Variants in EVC2 observed in about 807,000 individuals in gnomAD.
EVC2 encodes EvC ciliary complex subunit 2, also known as limbin.
Under a neutral mutation model 149.3 loss-of-function variants are expected in EVC2, and 148 were observed. The observed-to-expected ratio is 0.99, with a 90% CI of 0.87 to 1.14. The LOEUF is 1.14. Among genes scored for constraint, EVC2 ranks in the 50% most tolerant of loss-of-function variants. The probability of loss-of-function intolerance (pLI) is 0.00; values close to 1 mark genes in which losing one functional copy is unlikely to be tolerated. For synonymous variants in EVC2, 776 were observed against 649.9 expected (o/e 1.19, Z -2.95); for missense variants, 1,854 against 1,627.3 (o/e 1.14, Z -2.40).
rs774976776 is a variant in EVC2 at position 5,640,638 on chromosome 4, C to T, written c.1346G>A (p.Arg449Gln). ...LENEIQEEYD[R>Q]KMVALTAECD... ...TTCAGCTGTCAATGCCACCATCTTC[C>T]GATCGTACTCCTCTTGTATTTCATT... Residue 449 changes from arginine to glutamine, a missense_variant, in exon 10 of 22, where the codon CGG (arginine) becomes CAG (glutamine). Coordinates refer to ENST00000344408, the MANE Select transcript of EVC2 (RefSeq NM_147127.5). The surrounding 1 kb of genome is among the most constrained non-coding windows in gnomAD (Gnocchi z 4.6). 1.1e-4 allele frequency: 182 copies of T among 1,613,964 alleles called. No homozygotes were observed. Among genetic ancestry groups the T allele is most frequent in the Non-Finnish European group, 1.5e-4 (174 of 1,180,036 alleles).
At chr4:5,538,987 A>G (rs1380482525), downstream of EVC2, among the ~76,000 whole-genome samples, 1 of 152,170 alleles carries the variant, frequency 6.6e-6, no homozygotes, top group South Asian at 2.1e-4. Context: ...AAGCATTCAG[A>G]TTGGAAAGGA....
downstream of EVC2, among the ~76,000 whole-genome samples, chr4:5,538,780 A>T (rs1446194624): frequency 6.6e-6 from 1 of 152,178 alleles, no homozygotes; most frequent in Non-Finnish European, 1.5e-5. Flanking sequence ...TCCATTTCTG[A>T]TTAAAATCAT....
intron 3 of EVC2, among the ~76,000 whole-genome samples, chr4:5,692,626 G>C (rs1179858252): frequency 6.6e-6 from 1 of 151,834 alleles, no homozygotes. Context: ...CCAGCACTTT[G>C]GGAGGCCGAG....
chr4:5,566,187 A>G (rs1469762243), intron 20 of EVC2, among the ~76,000 whole-genome samples: 1 of 152,240 alleles, frequency 6.6e-6, no homozygotes, highest in African/African-American at 2.4e-5. Flanking sequence ...GCGTGGTCCT[A>G]GACTGAAGGA....
chr4:5,531,855 C>T, the EVC2 span, among the ~76,000 whole-genome samples: 1 of 152,072 alleles, frequency 6.6e-6, no homozygotes, highest in African/African-American at 2.4e-5. Flanking sequence ...TGAAACCACG[C>T]TCCTGCCAGT....
At chr4:5,617,695 G>C (rs1240223883) in intron 15 of EVC2, among the ~76,000 whole-genome samples, 4 of 152,206 alleles carry the variant, frequency 2.6e-5, no homozygotes. Flanking sequence ...GGTGGCATTT[G>C]AGCTGAGACC....
At chr4:5,570,575 A>G (rs997862988) in intron 19 of EVC2, among the ~76,000 whole-genome samples, 2 of 152,254 alleles carry the variant, frequency 1.3e-5, no homozygotes, top group Non-Finnish European at 2.9e-5. Context: ...ACCACTATGG[A>G]AAACAGTATG....
intron 16 of EVC2, among the ~76,000 whole-genome samples, chr4:5,608,899 C>G (rs977868213): frequency 3.9e-5 from 6 of 152,116 alleles, no homozygotes; most frequent in African/African-American, 1.4e-4. Context: ...TGGCTGTCAT[C>G]GAATCCCCAG....
chr4:5,681,130 GTCCCAGTCTCA>G, intron 7 of EVC2, 119 bp downstream of exon 7: 2 of 1,013,468 alleles, frequency 2.0e-6, no homozygotes, highest in East Asian at 4.8e-5. Context: ...ACTGCACAGA[GTCCCAGTCTCA>G]ACGCATAACT....
chr4:5,707,344 TG>T (rs1191748026), intron 1 of EVC2, among the ~76,000 whole-genome samples: 1 of 152,034 alleles, frequency 6.6e-6, no homozygotes, highest in Non-Finnish European at 1.5e-5. Context: ...GCAAGTGTCC[TG>T]GGGTAGAGAA....
intron 16 of EVC2, among the ~76,000 whole-genome samples, chr4:5,586,206 T>C (rs555389810): frequency 6.6e-6 from 1 of 152,220 alleles, no homozygotes; most frequent in South Asian, 2.1e-4. Flanking sequence ...AGATTTACCT[T>C]TTACCATCTT....
At position 5,640,386 on chromosome 4, in the gene EVC2, G is replaced by C; in HGVS notation, c.1470+128C>G. The C allele has an allele frequency of 9.5e-7, 1 of 1,056,610 alleles. No individual in the cohort carries two copies. Among genetic ancestry groups the C allele is most frequent in the Admixed American group, 1.7e-5 (1 of 59,128 alleles). 65.5% of individuals were successfully genotyped at this position (1,056,610 alleles called of 1,614,324 possible). Reference sequence around the variant, plus strand: ...AATGGAAGGATGAATAGATGAATGAGTGGGTGGTTGGATGGATGATGGGTA... The same window carrying C: ...AATGGAAGGATGAATAGATGAATGACTGGGTGGTTGGATGGATGATGGGTA... On this transcript the variant is annotated intron_variant, in intron 10 of 21. Transcript: ENST00000344408. This position sits in a 1 kb window ranked among gnomAD's most constrained non-coding sequence, Gnocchi z 4.6.
At chr4:5,611,970 T>G (rs907039497) in intron 16 of EVC2, among the ~76,000 whole-genome samples, 1 of 152,186 alleles carries the variant, frequency 6.6e-6, no homozygotes, top group African/African-American at 2.4e-5. Context: ...AAAAGACCCC[T>G]TCCCTCTGCA....
rs936768960 is a variant in EVC2 at position 5,576,805 on chromosome 4, A to C, written c.3058-351T>G. 1.3e-5 allele frequency among the ~76,000 whole-genome samples: 2 copies of C among 152,134 alleles called. No individual in the cohort carries two copies. The highest frequency in any genetic ancestry group is 4.8e-5 in the African/African-American group (2 of 41,434). On this transcript the variant is annotated intron_variant, in intron 17 of 21. Transcript: ENST00000344408. This position sits in a 1 kb window ranked among gnomAD's most constrained non-coding sequence, Gnocchi z 4.5. ...TGGGAGACACAGATGCCCTCTCCTCATGTGCCCACTCACTACCCCTTGCAT... is the reference window on the plus strand; with the variant it reads ...TGGGAGACACAGATGCCCTCTCCTCCTGTGCCCACTCACTACCCCTTGCAT...
At chr4:5,688,453 T>C (rs1408018823) in intron 5 of EVC2, among the ~76,000 whole-genome samples, 1 of 152,164 alleles carries the variant, frequency 6.6e-6, no homozygotes, top group African/African-American at 2.4e-5. Context: ...AGTCCCAGTC[T>C]CTTCATCTGT....
intron 6 of EVC2, among the ~76,000 whole-genome samples, chr4:5,682,349 G>A (rs1278757393): frequency 1.3e-5 from 2 of 151,776 alleles, no homozygotes; most frequent in Admixed American, 1.3e-4. Context: ...AATTAGCTGG[G>A]TGTGGTGGCG....
At position 5,637,009 on chromosome 4, in the gene EVC2, C is replaced by CG. The variant is rs1321139329; in HGVS notation, c.1470+3504dup. On this transcript the variant is annotated intron_variant, in intron 10 of 21. Transcript: ENST00000344408. The surrounding 1 kb of genome is among the most constrained non-coding windows in gnomAD (Gnocchi z 4.4). ...TTTGAACAGAGTGACCTAGGACATC[C>CG]GGAGTGATGGTGCCTGCCCAATACA... Among the ~76,000 whole-genome samples the CG allele has an allele frequency of 6.6e-6, 1 of 152,068 alleles. No homozygotes were observed. The highest frequency in any genetic ancestry group is 1.5e-5 in the Non-Finnish European group (1 of 68,010).
In EVC2 at chr4:5,663,869, C is replaced by T. The variant is rs545854456; in HGVS notation, c.1006-623G>A. Among the ~76,000 whole-genome samples, 4 of 152,124 alleles carry T rather than the reference C, an allele frequency of 2.6e-5. No homozygotes were observed. The South Asian group carries it at 8.3e-4, about 32-fold the overall frequency. ...CCAGGAGACGGAAGCTGCAGTGAGC[C>T]GAGATTGCGCCACTGCACTCCATCC... On this transcript the variant is annotated intron_variant, in intron 8 of 21. Transcript: ENST00000344408.
chr4:5,651,375 A>C (rs977157801), intron 9 of EVC2, among the ~76,000 whole-genome samples: 1 of 151,938 alleles, frequency 6.6e-6, no homozygotes, highest in Non-Finnish European at 1.5e-5. Context: ...TGAATGAAAG[A>C]ATGGGTGGGT....
Sources: allele counts gnomAD v4.1 joint callset (sites outside exome capture counted in the v4.1 genomes callset), GRCh38; gene constraint gnomAD v4.1.1; non-coding constraint Gnocchi (gnomAD v3.1); transcripts MANE v1.5; gene names NCBI Gene and HGNC (gene_info 2026-07-23, HGNC 2026-07-21).